The following MAGI2 variants were observed in gnomAD, a reference collection of about 807,000 sequenced individuals.
MAGI2 encodes membrane-associated guanylate kinase, WW and PDZ domain-containing protein 2.
In MAGI2, 35 loss-of-function variants were observed where a neutral mutation model predicts 133.3. The ratio of observed to expected loss-of-function variants is 0.26; its 90% CI spans 0.20 to 0.35. The LOEUF (loss-of-function observed/expected upper bound fraction) is 0.35, where lower values mean the gene tolerates loss of function less well. Ranked by LOEUF, MAGI2 falls within the 10% of genes least tolerant of loss-of-function variation. MAGI2 has a pLI of 1.00. For missense variants in MAGI2, 1,636 were observed against 1,863.4 expected, an observed-to-expected ratio of 0.88 and a Z score of 2.25; for synonymous variants, 729 against 710.6, an observed-to-expected ratio of 1.03 and a Z score of -0.41.
At chr7:78,155,348 T>C (rs1475729353) in intron 16 of MAGI2, among the ~76,000 whole-genome samples, 1 of 152,172 alleles carries the variant, frequency 6.6e-6, no homozygotes, top group Non-Finnish European at 1.5e-5. Context: ...GCACAGTAGC[T>C]CATGCCTGTA....
At chr7:78,172,162 C>G (rs1034309846) in intron 14 of MAGI2, among the ~76,000 whole-genome samples, 1 of 152,160 alleles carries the variant, frequency 6.6e-6, no homozygotes, top group Admixed American at 6.5e-5. Flanking sequence ...AAAACTCACA[C>G]TAAAAAGAAA....
intron 2 of MAGI2, chr7:78,902,762 T>C (rs1275311415): frequency 6.6e-6 from 1 of 152,120 alleles, no homozygotes; most frequent in African/African-American, 2.4e-5. Context: ...TTAATGACAC[T>C]AAACACAAAA....
At chr7:78,702,996 A>G (rs931693964) in intron 2 of MAGI2, among the ~76,000 whole-genome samples, 1 of 152,010 alleles carries the variant, frequency 6.6e-6, no homozygotes, top group Admixed American at 6.6e-5. Flanking sequence ...TGAGTAATGT[A>G]TGAGGAATAA....
chr7:78,429,370 G>A (rs758082304), intron 6 of MAGI2, among the ~76,000 whole-genome samples: 17 of 150,092 alleles, frequency 1.1e-4, no homozygotes, highest in Admixed American at 2.7e-4. Flanking sequence ...GGCCTCCTGG[G>A]GTCAGAGGTA....
intron 2 of MAGI2, among the ~76,000 whole-genome samples, chr7:78,849,272 A>G (rs1334111561): frequency 6.6e-6 from 1 of 152,074 alleles, no homozygotes; most frequent in Non-Finnish European, 1.5e-5. Flanking sequence ...AGTACTCAGG[A>G]TGCAGAAATA....
At chr7:78,845,733 C>T (rs13231956) in intron 2 of MAGI2, among the ~76,000 whole-genome samples, 7,631 of 151,990 alleles carry the variant, frequency 0.05, 268 homozygotes, top group Non-Finnish European at 0.078. Context: ...AGAGTTTGAA[C>T]ATCTTTCCAA....
At chr7:78,815,508 C>T (rs972639352) in intron 2 of MAGI2, among the ~76,000 whole-genome samples, 5 of 148,930 alleles carry the variant, frequency 3.4e-5, no homozygotes, top group African/African-American at 1.2e-4. Context: ...GCTTATTGTA[C>T]TTTTTTTTTT....
intron 1 of MAGI2, among the ~76,000 whole-genome samples, chr7:79,021,401 C>A (rs141112328): frequency 0.02 from 2,989 of 152,296 alleles, 38 homozygotes; most frequent in Middle Eastern, 0.037. Context: ...GGGAGGGGGC[C>A]TGTACCCTGA....
At chr7:78,051,615 G>A (rs572348636) in intron 21 of MAGI2, among the ~76,000 whole-genome samples, 1 of 152,096 alleles carries the variant, frequency 6.6e-6, no homozygotes, top group South Asian at 2.1e-4. Flanking sequence ...GACAGAGTCT[G>A]GCTCTGTTGC....
At chr7:78,159,817 T>A in intron 16 of MAGI2, 1 of 447,130 alleles carries the variant, frequency 2.2e-6, no homozygotes, top group Non-Finnish European at 3.8e-6. Flanking sequence ...AGGGCATTAG[T>A]TGTGTTCTTG....
rs1172199461 is a variant in MAGI2 at position 78,256,128 on chromosome 7, T to C, written c.1862A>G (p.Asp621Gly). 3.1e-6 allele frequency: 5 copies of C among 1,613,854 alleles called. No individual in the cohort carries two copies. In the South Asian group the frequency reaches 4.4e-5, roughly 14 times the overall value. ...TTTCACCCGCTGTCCTGTAGGACTG[T>C]CGGCAATAGTGAAGCCGAAGCCCTG... ...GAQGFGFTIADSPTGQRVKQI... is the reference protein window; with the variant it reads ...GAQGFGFTIAGSPTGQRVKQI... Residue 621 changes from aspartate to glycine, a missense_variant, in exon 10 of 22, where the codon GAC (aspartate) becomes GGC (glycine). Asp to Gly is a moderately conservative substitution (Grantham distance 94). Around this residue, in one of 5 missense-constraint regions of MAGI2, gnomAD observed 920 missense variants for 1,093.5 expected, o/e 0.84. Transcript: ENST00000354212.
chr7:78,821,084 G>A (rs991956767), intron 2 of MAGI2, among the ~76,000 whole-genome samples: 3 of 152,020 alleles, frequency 2.0e-5, no homozygotes, highest in African/African-American at 7.2e-5. Flanking sequence ...ATTAGAAACA[G>A]CATTTGATTA....
At chr7:78,679,318 A>G (rs1017149608) in intron 2 of MAGI2, among the ~76,000 whole-genome samples, 1 of 152,122 alleles carries the variant, frequency 6.6e-6, no homozygotes, top group Non-Finnish European at 1.5e-5. Flanking sequence ...TATCTGCCCC[A>G]TTAGACTGAT....
intron 10 of MAGI2, among the ~76,000 whole-genome samples, chr7:78,240,854 A>G (rs1791059138): frequency 6.6e-6 from 1 of 152,148 alleles, no homozygotes; most frequent in Non-Finnish European, 1.5e-5. Flanking sequence ...ATTAGTACAT[A>G]TATTAGCTAG....
intron 6 of MAGI2, among the ~76,000 whole-genome samples, chr7:78,418,493 CTA>C (rs1479946216): frequency 1.4e-4 from 22 of 152,192 alleles, no homozygotes; most frequent in African/African-American, 5.1e-4. Context: ...GATGGAAATG[CTA>C]TATAATCTAT....
intron 6 of MAGI2, among the ~76,000 whole-genome samples, chr7:78,421,206 C>A (rs1267321753): frequency 6.6e-6 from 1 of 152,062 alleles, no homozygotes; most frequent in Non-Finnish European, 1.5e-5. Flanking sequence ...TATAGATCAG[C>A]AAGACTGGCT....
At chr7:78,516,742 A>T (rs1796077006) in intron 4 of MAGI2, among the ~76,000 whole-genome samples, 1 of 152,206 alleles carries the variant, frequency 6.6e-6, no homozygotes, top group African/African-American at 2.4e-5. Context: ...CAGATCCCTT[A>T]GGGAACTATA....
At position 79,066,901 on chromosome 7, in the gene MAGI2, C is replaced by G. The variant is rs111958581; in HGVS notation, c.302-59695G>C. On this transcript the variant is annotated intron_variant, in intron 1 of 21. Transcript: ENST00000354212. ...CATTGCTTGTTTTTGTCATATTTGT[C>G]AAAAAACAGATGGTTGTAGATGTGT... is the stretch of plus-strand genomic sequence containing the variant. 3.6e-4 allele frequency among the ~76,000 whole-genome samples: 55 copies of G among 152,130 alleles called. 1 individual carries two copies. The highest frequency in any genetic ancestry group is 3.5e-3 in the Admixed American group (53 of 15,274).
chr7:78,462,203 C>T (rs1159785474), intron 6 of MAGI2, among the ~76,000 whole-genome samples: 1 of 152,172 alleles, frequency 6.6e-6, no homozygotes. Context: ...TCACAAATGT[C>T]TCCCATATCC....
Sources: gnomAD v4.1 joint callset for allele counts (sites outside exome capture counted in the v4.1 genomes callset) on GRCh38, gnomAD v4.1.1 for gene constraint, gnomAD v4.1.1 regional missense constraint, MANE v1.5 for transcripts, NCBI Gene and HGNC (gene_info 2026-07-23, HGNC 2026-07-21) for gene names.